SCGB2B2: variants seen among roughly 807,000 people sequenced by gnomAD.
SCGB2B2 encodes the protein secretoglobin family 2B member 2.
SCGB2B2 carries 11 observed loss-of-function variants against 7.6 expected under a neutral mutation model. That is an observed-to-expected ratio of 1.45 (90% CI 0.91 to 2.40). The LOEUF is 2.40. Among genes scored for constraint, SCGB2B2 ranks in the 30% most tolerant of loss-of-function variants. The pLI is 0.00. For missense variants in SCGB2B2, 104 were observed against 115.4 expected (o/e 0.90, Z 0.45); for synonymous variants, 50 against 48.6 (o/e 1.03, Z -0.12).
At chr19:34,673,572 T>C (rs897010854) in intron 1 of SCGB2B2, among the ~76,000 whole-genome samples, 1 of 152,198 alleles carries the variant, frequency 6.6e-6, no homozygotes, top group Non-Finnish European at 1.5e-5. Context: ...GTTTTTCTTA[T>C]ATAGGGGTCT....
At chr19:34,644,360 T>G (rs28456159) in intron 1 of SCGB2B2, among the ~76,000 whole-genome samples, 4 of 102,048 alleles carry the variant, frequency 3.9e-5, no homozygotes, top group East Asian at 5.2e-4. Flanking sequence ...GTTTTTTTTT[T>G]TGTTTTTTTT....
At chr19:34,604,748 T>C (rs573337421) in intron 1 of SCGB2B2, among the ~76,000 whole-genome samples, 1 of 152,374 alleles carries the variant, frequency 6.6e-6, no homozygotes, top group Non-Finnish European at 1.5e-5. Flanking sequence ...ATTTTTTAAA[T>C]GATCCCCATG....
chr19:34,664,596 T>G (rs1261536714), intron 1 of SCGB2B2, among the ~76,000 whole-genome samples: 1 of 152,194 alleles, frequency 6.6e-6, no homozygotes, highest in Non-Finnish European at 1.5e-5. Context: ...CCCAGTGCAC[T>G]GCATGGTGCT....
intron 1 of SCGB2B2, among the ~76,000 whole-genome samples, chr19:34,653,174 T>G (rs543442882): frequency 6.6e-6 from 1 of 150,706 alleles, no homozygotes; most frequent in Non-Finnish European, 1.5e-5. Context: ...AGAAGAAGAG[T>G]GTAGAATAAT....
chr19:34,618,381 AC>A (rs1157018126), intron 1 of SCGB2B2, among the ~76,000 whole-genome samples: 4 of 152,238 alleles, frequency 2.6e-5, no homozygotes, highest in African/African-American at 9.6e-5. Context: ...AAAACCTGTT[AC>A]TCAAATACAT....
chr19:34,618,569 C>T (rs1568433088), intron 1 of SCGB2B2, among the ~76,000 whole-genome samples: 1 of 152,160 alleles, frequency 6.6e-6, no homozygotes, highest in African/African-American at 2.4e-5. Context: ...TTTTTTCCCC[C>T]ATTACTCTTT....
chr19:34,599,199 T>G (rs1244901361), intron 1 of SCGB2B2, among the ~76,000 whole-genome samples: 2 of 152,224 alleles, frequency 1.3e-5, no homozygotes, highest in East Asian at 3.9e-4. Flanking sequence ...CTGGTGAGCC[T>G]GCTGAGCAGG....
intron 1 of SCGB2B2, among the ~76,000 whole-genome samples, chr19:34,668,844 C>T (rs528189014): frequency 1.3e-5 from 2 of 152,026 alleles, no homozygotes; most frequent in Non-Finnish European, 2.9e-5. Flanking sequence ...CCAATCAGCA[C>T]CCTGTGGAAA....
chr19:34,647,683 G>A (rs375107383), intron 1 of SCGB2B2, among the ~76,000 whole-genome samples: 1 of 152,182 alleles, frequency 6.6e-6, no homozygotes, highest in South Asian at 2.1e-4. Flanking sequence ...TCCCAGAGCC[G>A]GACACCCCAT....
chr19:34,642,095 A>G (rs1352654972), intron 1 of SCGB2B2, among the ~76,000 whole-genome samples: 1 of 152,248 alleles, frequency 6.6e-6, no homozygotes, highest in African/African-American at 2.4e-5. Flanking sequence ...CAAGCTGGCA[A>G]AAAGGGTAAA....
chr19:34,656,897 AC>A (rs1465961233), intron 1 of SCGB2B2, among the ~76,000 whole-genome samples: 2 of 151,152 alleles, frequency 1.3e-5, no homozygotes, highest in Non-Finnish European at 1.5e-5. Flanking sequence ...CAGATACTAA[AC>A]AAAAATGCCT....
At chr19:34,635,878 TC>T (rs1164612377) in intron 1 of SCGB2B2, among the ~76,000 whole-genome samples, 1 of 152,228 alleles carries the variant, frequency 6.6e-6, no homozygotes, top group Non-Finnish European at 1.5e-5. Flanking sequence ...GGCATTTCTC[TC>T]CACTGTGCTG....
chr19:34,596,434 C>CGTGTGTGAGAATGGGATTTTGTGT lies in SCGB2B2; in HGVS notation c.-1895_-1872dup, dbSNP rs1236030179. On this transcript the variant is annotated 5_prime_UTR_variant, in exon 2 of 4. Coordinates refer to ENST00000601241, the MANE Select transcript of SCGB2B2 (RefSeq NM_001025591.4). ...GTGTGCGGGACGAGGCTTGGGTGCA[C>CGTGTGTGAGAATGGGATTTTGTGT]GTGTGTGAGAATGGGATTTTGTGTG... 3.9e-5 allele frequency: 6 copies of CGTGTGTGAGAATGGGATTTTGTGT among 152,774 alleles called. No individual in the cohort carries two copies. The highest frequency in any genetic ancestry group is 7.3e-5 in the Non-Finnish European group (5 of 68,298). The allele number at this position is 152,774 out of a possible 1,614,324, so 9.5% of individuals were successfully genotyped here. A position where few individuals can be genotyped will look rare whatever the true frequency, so the allele number is the denominator to read the frequency against.
chr19:34,601,494 T>C (rs576518490), intron 1 of SCGB2B2, among the ~76,000 whole-genome samples: 46 of 152,346 alleles, frequency 3.0e-4, no homozygotes, highest in Non-Finnish European at 5.7e-4. Context: ...ATTTTGGTCT[T>C]CCCTATTTTC....
chr19:34,637,514 C>T (rs890899492), intron 1 of SCGB2B2, among the ~76,000 whole-genome samples: 8 of 152,080 alleles, frequency 5.3e-5, no homozygotes, highest in Admixed American at 2.6e-4. Context: ...AGCATCACAT[C>T]GCAGACAGAC....
intron 1 of SCGB2B2, chr19:34,637,776 T>C (rs2066727039): frequency 6.6e-6 from 1 of 152,140 alleles, no homozygotes; most frequent in South Asian, 2.1e-4. Context: ...CCCGTAATTC[T>C]GGAAAGGCAA....
intron 1 of SCGB2B2, among the ~76,000 whole-genome samples, chr19:34,654,989 A>G (rs748389964): frequency 6.6e-6 from 1 of 151,364 alleles, no homozygotes; most frequent in Non-Finnish European, 1.5e-5. Flanking sequence ...AAATTCTTCC[A>G]AAGAATAAAC....
rs1568427122 is a variant in SCGB2B2 at position 34,594,702 on chromosome 19, T to TGTGTGTGA, written c.-140_-139insTCACACAC. Reference sequence around the variant, plus strand: ...GTGTGTGTGTGTGTGTGTGTGTGTGTGAATGTGGTCAGGGCAGGTCTGCAG... The same window carrying TGTGTGTGA: ...GTGTGTGTGTGTGTGTGTGTGTGTGTGTGTGTGAGAATGTGGTCAGGGCAGGTCTGCAG... On this transcript the variant is annotated 5_prime_UTR_variant, in exon 2 of 4. An upstream open reading frame in the 5' UTR loses its in-frame stop. Transcript: ENST00000601241. 1 of 650,342 alleles carries TGTGTGTGA rather than the reference T, an allele frequency of 1.5e-6. No individual in the cohort carries two copies. Among genetic ancestry groups the TGTGTGTGA allele is most frequent in the African/African-American group, 2.1e-5 (1 of 48,540 alleles). 40.3% of individuals were successfully genotyped at this position (650,342 alleles called of 1,614,324 possible).
intron 1 of SCGB2B2, chr19:34,646,650 T>G (rs1295249435): frequency 6.6e-6 from 1 of 152,408 alleles, no homozygotes; most frequent in Non-Finnish European, 1.5e-5. Flanking sequence ...CAGTCTAGGA[T>G]CGTTGTCAGC....
Sources: gnomAD v4.1 joint callset for allele counts (sites outside exome capture counted in the v4.1 genomes callset) on GRCh38, gnomAD v4.1.1 for gene constraint, MANE v1.5 for transcripts, NCBI Gene and HGNC (gene_info 2026-07-23, HGNC 2026-07-21) for gene names.